The following BLK variants were observed in gnomAD, a reference collection of about 807,000 sequenced individuals.
BLK encodes the protein BLK proto-oncogene, Src family tyrosine kinase.
BLK carries 64 observed loss-of-function variants against 61.8 expected under a neutral mutation model. That is an observed-to-expected ratio of 1.03 (90% confidence interval 0.85 to 1.27). The LOEUF (loss-of-function observed/expected upper bound fraction) is 1.27, where lower values mean the gene tolerates loss of function less well. Among genes scored for constraint, BLK ranks in the 50% most tolerant of loss-of-function variants. The probability of loss-of-function intolerance (pLI) is 0.00; values close to 1 mark genes in which losing one functional copy is unlikely to be tolerated. For missense variants in BLK, 853 were observed against 660.5 expected (o/e 1.29, Z -3.19); for synonymous variants, 351 against 272.0 (o/e 1.29, Z -2.86).
At chr8:11,527,081 C>T (rs1007680513) in intron 1 of BLK, among the ~76,000 whole-genome samples, 1 of 152,126 alleles carries the variant, frequency 6.6e-6, no homozygotes, top group African/African-American at 2.4e-5. Context: ...TTATTCTTTC[C>T]TGTACGTGCA....
At chr8:11,504,861 A>G (rs998984286) in intron 1 of BLK, among the ~76,000 whole-genome samples, 1 of 152,228 alleles carries the variant, frequency 6.6e-6, no homozygotes, top group Non-Finnish European at 1.5e-5. Context: ...TTTTACGACA[A>G]GAAACACCAA....
At chr8:11,510,724 C>T (rs879780463) in intron 1 of BLK, among the ~76,000 whole-genome samples, 2 of 151,884 alleles carry the variant, frequency 1.3e-5, no homozygotes, top group Non-Finnish European at 2.9e-5. Context: ...AATATATTAT[C>T]CCCGGGATAG....
At chr8:11,545,944 A>G (rs1202331684) in intron 2 of BLK, 108 bp from the exon 3 acceptor site, 1 of 1,173,780 alleles carries the variant, frequency 8.5e-7, no homozygotes, top group Non-Finnish European at 1.3e-6. Flanking sequence ...CTCCTCCTTC[A>G]GTAGGTCCCT....
chr8:11,538,339 C>T lies in BLK; in HGVS notation c.-1-4885C>T, dbSNP rs137959284. ...CAACCTGAAACTGCTGGGTGCAGCC[C>T]GAGCACCAGTGACAGCCCTGGTTGT... On this transcript the variant is annotated intron_variant, in intron 1 of 12. Coordinates refer to ENST00000259089, the MANE Select transcript of BLK (RefSeq NM_001715.3). 1.6e-3 allele frequency among the ~76,000 whole-genome samples: 245 copies of T among 152,306 alleles called. 2 individuals are homozygous for T. Among genetic ancestry groups the T allele is most frequent in the South Asian group, 3.1e-3 (15 of 4,820 alleles).
intron 1 of BLK, among the ~76,000 whole-genome samples, chr8:11,535,264 GAAA>G (rs1800072276): frequency 5.7e-5 from 4 of 70,700 alleles, no homozygotes; most frequent in Non-Finnish European, 5.9e-5. Context: ...AAAGAAAGAA[GAAA>G]GAAAGAAAGA....
intron 1 of BLK, among the ~76,000 whole-genome samples, chr8:11,505,163 C>G (rs1386241191): frequency 1.3e-5 from 2 of 152,168 alleles, no homozygotes; most frequent in African/African-American, 4.8e-5. Context: ...AACCACCTAC[C>G]ATGACAAATA....
At chr8:11,512,183 A>G (rs1276733354) in intron 1 of BLK, among the ~76,000 whole-genome samples, 1 of 152,210 alleles carries the variant, frequency 6.6e-6, no homozygotes, top group Non-Finnish European at 1.5e-5. Flanking sequence ...GCGCTGTGGG[A>G]TCAGAAGAAG....
At chr8:11,546,240 C>T (rs1232422131) in intron 3 of BLK, 137 bp downstream of exon 3, 33 of 1,031,216 alleles carry the variant, frequency 3.2e-5, no homozygotes, top group Admixed American at 1.5e-4. Flanking sequence ...AGAGAGGCCC[C>T]GGCTCTGTGC....
intron 10 of BLK, chr8:11,559,962 T>G: frequency 2.6e-6 from 1 of 386,328 alleles, no homozygotes; most frequent in Non-Finnish European, 5.1e-6. Context: ...TCAACATTTT[T>G]TAAAATATAT....
intron 1 of BLK, among the ~76,000 whole-genome samples, chr8:11,518,530 T>A (rs1799315256): frequency 6.6e-6 from 1 of 151,902 alleles, no homozygotes; most frequent in Non-Finnish European, 1.5e-5. Context: ...CATCTCAGCA[T>A]TTCCATCCAC....
At chr8:11,505,694 C>A (rs1798746198) in intron 1 of BLK, among the ~76,000 whole-genome samples, 1 of 152,178 alleles carries the variant, frequency 6.6e-6, no homozygotes, top group Non-Finnish European at 1.5e-5. Flanking sequence ...GTGGCCCTAT[C>A]ACCGCACAGG....
intron 6 of BLK, among the ~76,000 whole-genome samples, chr8:11,551,156 T>A (rs1448007834): frequency 6.6e-5 from 10 of 152,254 alleles, no homozygotes; most frequent in Non-Finnish European, 1.3e-4. Context: ...CTGTGTGTCT[T>A]GCTTCTGTCA....
At chr8:11,541,928 T>C (rs1433255153) in intron 1 of BLK, among the ~76,000 whole-genome samples, 1 of 152,234 alleles carries the variant, frequency 6.6e-6, no homozygotes, top group East Asian at 1.9e-4. Flanking sequence ...AATACTTAGA[T>C]ATAAAAAGTG....
At chr8:11,538,830 C>T (rs1243835674) in intron 1 of BLK, among the ~76,000 whole-genome samples, 1 of 152,226 alleles carries the variant, frequency 6.6e-6, no homozygotes. Flanking sequence ...TTGTCAAGAA[C>T]TGCAGGCTGG....
At chr8:11,540,800 C>A (rs1245678050) in intron 1 of BLK, among the ~76,000 whole-genome samples, 2 of 150,478 alleles carry the variant, frequency 1.3e-5, no homozygotes, top group Admixed American at 6.6e-5. Context: ...CAACTGAGTT[C>A]TATTTAGCCT....
intron 10 of BLK, chr8:11,558,712 G>A (rs751492350): frequency 2.8e-5 from 13 of 456,234 alleles, no homozygotes; most frequent in South Asian, 1.5e-4. Flanking sequence ...GGTTTTAGCC[G>A]AGAGCTCTAG....
chr8:11,548,962 G>T, intron 4 of BLK, 62 bp from the exon 5 acceptor site: 1 of 1,436,582 alleles, frequency 7.0e-7, no homozygotes, highest in South Asian at 1.2e-5. Context: ...AGGCCTGAGA[G>T]CTGCCCAGTG....
At chr8:11,517,376 AT>A (rs1563432612) in intron 1 of BLK, among the ~76,000 whole-genome samples, 3 of 152,230 alleles carry the variant, frequency 2.0e-5, no homozygotes, top group Non-Finnish European at 4.4e-5. Context: ...ACCTCTGGCC[AT>A]TTTAAGTCTG....
At chr8:11,540,994 G>A (rs1055802233) in intron 1 of BLK, among the ~76,000 whole-genome samples, 1 of 152,184 alleles carries the variant, frequency 6.6e-6, no homozygotes, top group Non-Finnish European at 1.5e-5. Context: ...GGCCGAGTGT[G>A]ATGGCTGACA....
Sources: gnomAD v4.1 joint callset for allele counts (sites outside exome capture counted in the v4.1 genomes callset) on GRCh38, gnomAD v4.1.1 for gene constraint, MANE v1.5 for transcripts, NCBI Gene and HGNC (gene_info 2026-07-23, HGNC 2026-07-21) for gene names.